The following GOLM2 variants were observed in gnomAD, a reference collection of about 807,000 sequenced individuals.
The protein encoded by GOLM2 is protein GOLM2.
In GOLM2, 26 loss-of-function variants were observed where a neutral mutation model predicts 55.9. That is an observed-to-expected ratio of 0.47 (90% CI 0.34 to 0.65). The LOEUF is 0.65. Among genes scored for constraint, GOLM2 ranks in the 30% least tolerant of loss-of-function variants. The probability of loss-of-function intolerance (pLI) is 0.01; values close to 1 mark genes in which losing one functional copy is unlikely to be tolerated. For missense variants in GOLM2, 486 were observed against 531.8 expected (o/e 0.91, Z 0.85); for synonymous variants, 165 against 194.6 (o/e 0.85, Z 1.27).
chr15:44,344,336 G>A (rs909485624), intron 6 of GOLM2, among the ~76,000 whole-genome samples: 2 of 149,556 alleles, frequency 1.3e-5, no homozygotes, highest in African/African-American at 4.9e-5. Flanking sequence ...AAGGGTTATA[G>A]AGCATGTGCC....
intron 8 of GOLM2, among the ~76,000 whole-genome samples, chr15:44,389,233 C>A (rs2079471202): frequency 2.6e-5 from 4 of 152,020 alleles, no homozygotes; most frequent in Admixed American, 2.6e-4. Context: ...TCATTATTCT[C>A]AAAAATTTCA....
intron 6 of GOLM2, among the ~76,000 whole-genome samples, chr15:44,340,214 A>G (rs1289245177): frequency 4.1e-5 from 6 of 147,046 alleles, no homozygotes; most frequent in Non-Finnish European, 9.0e-5. Flanking sequence ...CCAAAGTGCT[A>G]GGATTACAAA....
chr15:44,404,473 C>T (rs1303045426), intron 9 of GOLM2, among the ~76,000 whole-genome samples: 2 of 151,982 alleles, frequency 1.3e-5, no homozygotes, highest in East Asian at 3.9e-4. Context: ...ATTTTTCAAA[C>T]ACTTTTTGGT....
At chr15:44,367,669 C>T (rs1031825978) in intron 6 of GOLM2, among the ~76,000 whole-genome samples, 2 of 152,026 alleles carry the variant, frequency 1.3e-5, no homozygotes, top group African/African-American at 4.8e-5. Flanking sequence ...GTGGCGTGGG[C>T]CTGCAGTCCC....
intron 1 of GOLM2, among the ~76,000 whole-genome samples, chr15:44,291,049 C>T (rs570682638): frequency 2.0e-5 from 3 of 151,114 alleles, no homozygotes; most frequent in East Asian, 1.9e-4. Flanking sequence ...GTGATCCGCC[C>T]GCCTCAGCCT....
chr15:44,294,295 C>T (rs2078740924), intron 1 of GOLM2, among the ~76,000 whole-genome samples: 1 of 152,164 alleles, frequency 6.6e-6, no homozygotes, highest in Admixed American at 6.5e-5. Flanking sequence ...CCAAGGTCTG[C>T]AGCTGGGCAC....
At chr15:44,406,224 C>T (rs1017586259) in intron 9 of GOLM2, 1 of 152,002 alleles carries the variant, frequency 6.6e-6, no homozygotes, top group African/African-American at 2.4e-5. Context: ...AACCTCTCTA[C>T]TAAAAAATAC....
At chr15:44,384,305 G>T (rs1595661140) in intron 8 of GOLM2, among the ~76,000 whole-genome samples, 1 of 152,048 alleles carries the variant, frequency 6.6e-6, no homozygotes, top group Non-Finnish European at 1.5e-5. Context: ...ACCAATTCTG[G>T]ATATTTCATA....
chr15:44,327,968 T>C (rs923994870), intron 2 of GOLM2, among the ~76,000 whole-genome samples: 4 of 152,204 alleles, frequency 2.6e-5, no homozygotes, highest in African/African-American at 9.7e-5. Flanking sequence ...GGCACCTATG[T>C]TGGTAGTCGA....
intron 6 of GOLM2, among the ~76,000 whole-genome samples, chr15:44,373,313 C>G (rs1167299870): frequency 2.6e-5 from 4 of 151,490 alleles, no homozygotes; most frequent in Non-Finnish European, 5.9e-5. Context: ...AAAAATTAGC[C>G]GGGCGCAGTG....
intron 9 of GOLM2, among the ~76,000 whole-genome samples, chr15:44,407,527 C>T (rs914066944): frequency 2.0e-5 from 3 of 151,756 alleles, no homozygotes; most frequent in Non-Finnish European, 2.9e-5. Context: ...CAGGCCACCT[C>T]GGTCTCCCAA....
intron 8 of GOLM2, among the ~76,000 whole-genome samples, chr15:44,401,665 A>C (rs1185176085): frequency 6.6e-6 from 1 of 152,218 alleles, no homozygotes; most frequent in Non-Finnish European, 1.5e-5. Context: ...TATGGATTAA[A>C]ATAAATCTAC....
At chr15:44,388,499 C>A (rs78663297) in intron 8 of GOLM2, among the ~76,000 whole-genome samples, 1 of 152,054 alleles carries the variant, frequency 6.6e-6, no homozygotes, top group Non-Finnish European at 1.5e-5. Context: ...CATGGTGAAA[C>A]CCCGTCTCTA....
At chr15:44,392,997 T>C (rs2079501710) in intron 8 of GOLM2, among the ~76,000 whole-genome samples, 1 of 152,216 alleles carries the variant, frequency 6.6e-6, no homozygotes, top group African/African-American at 2.4e-5. Flanking sequence ...TCATCACTTC[T>C]ATTCCGCTTT....
chr15:44,363,362 C>T (rs2079257000), intron 6 of GOLM2, among the ~76,000 whole-genome samples: 1 of 152,020 alleles, frequency 6.6e-6, no homozygotes, highest in Non-Finnish European at 1.5e-5. Context: ...AAACAAACAA[C>T]CCCATCAAAA....
intron 8 of GOLM2, among the ~76,000 whole-genome samples, chr15:44,382,486 C>T (rs1008978132): frequency 6.6e-6 from 1 of 151,858 alleles, no homozygotes; most frequent in Non-Finnish European, 1.5e-5. Context: ...ATCACCATGC[C>T]TGGCTAATTT....
chr15:44,383,894 G>C (rs2079422546), intron 8 of GOLM2, among the ~76,000 whole-genome samples: 1 of 151,686 alleles, frequency 6.6e-6, no homozygotes, highest in African/African-American at 2.4e-5. Flanking sequence ...GTCCAGACTG[G>C]TATTGAACTC....
rs971568537 is a variant in GOLM2 at position 44,376,498 on chromosome 15, T to C, written c.803-3192T>C. ...CCTGGGCTCAAATGATCTTCCTGCC[T>C]TGGCCTCCTAAAATATTGGGATTAC... On this transcript the variant is annotated intron_variant, in intron 6 of 9. Coordinates refer to ENST00000299957, the MANE Select transcript of GOLM2 (RefSeq NM_138423.4). Among the ~76,000 whole-genome samples the C allele has an allele frequency of 1.3e-3, 199 of 152,284 alleles. 1 individual carries two copies. Among genetic ancestry groups the C allele is most frequent in the African/African-American group, 4.6e-3 (190 of 41,566 alleles).
chr15:44,369,067 T>A (rs868095057), intron 6 of GOLM2, among the ~76,000 whole-genome samples: 297 of 22,962 alleles, frequency 0.013, 4 homozygotes, highest in African/African-American at 0.031. Context: ...ATAGGATATA[T>A]TATATATATA....
Sources: gnomAD v4.1 joint callset for allele counts (sites outside exome capture counted in the v4.1 genomes callset) on GRCh38, gnomAD v4.1.1 for gene constraint, MANE v1.5 for transcripts, NCBI Gene and HGNC (gene_info 2026-07-23, HGNC 2026-07-21) for gene names.